The following TXNL4A variants were observed in gnomAD, a reference collection of about 807,000 sequenced individuals.
TXNL4A encodes thioredoxin-like protein 4A.
Under a neutral mutation model 14.6 loss-of-function variants are expected in TXNL4A, and 17 were observed. The observed-to-expected ratio is 1.16, with a 90% confidence interval of 0.80 to 1.74. The LOEUF (loss-of-function observed/expected upper bound fraction) is 1.74. Ranked by LOEUF, TXNL4A falls within the 40% of genes most tolerant of loss-of-function variation. The pLI is 0.00. For synonymous variants in TXNL4A, 83 were observed against 70.6 expected, an observed-to-expected ratio of 1.18 and a Z score of -0.88; for missense variants, 74 against 195.2, an observed-to-expected ratio of 0.38 and a Z score of 3.70.
At chr18:79,998,507 A>T (rs1049624939) in intron 1 of TXNL4A, among the ~76,000 whole-genome samples, 2 of 150,708 alleles carry the variant, frequency 1.3e-5, no homozygotes, top group African/African-American at 4.9e-5. Flanking sequence ...ACAAAACTGG[A>T]GGTACTGCAT....
At chr18:79,984,051 C>T (rs2051505859) in intron 1 of TXNL4A, among the ~76,000 whole-genome samples, 1 of 152,072 alleles carries the variant, frequency 6.6e-6, no homozygotes, top group African/African-American at 2.4e-5. Flanking sequence ...AACCACGGCT[C>T]AACATCACCC....
At chr18:80,016,428 G>A (rs11504774) in intron 1 of TXNL4A, among the ~76,000 whole-genome samples, 69,749 of 149,264 alleles carry the variant, frequency 0.47, 16,753 homozygotes, top group East Asian at 0.74. Flanking sequence ...TAGACATGAA[G>A]TCCTTGCCCA....
upstream of TXNL4A, among the ~76,000 whole-genome samples, chr18:79,989,670 C>T (rs2051611226): frequency 6.6e-6 from 1 of 152,214 alleles, no homozygotes; most frequent in African/African-American, 2.4e-5. Context: ...TACTATCTAG[C>T]TATCCTGGTG....
At chr18:80,005,220 C>G (rs12604993) in intron 1 of TXNL4A, among the ~76,000 whole-genome samples, 7 of 152,074 alleles carry the variant, frequency 4.6e-5, no homozygotes, top group Non-Finnish European at 5.9e-5. Flanking sequence ...ATTCTGGACT[C>G]GAAGGTTGTT....
At chr18:79,991,920 A>G (rs919892836), upstream of TXNL4A, among the ~76,000 whole-genome samples, 1 of 152,212 alleles carries the variant, frequency 6.6e-6, no homozygotes, top group African/African-American at 2.4e-5. Flanking sequence ...AGTTTTATAC[A>G]TTTTAGGGAG....
Position 79,988,392 on chromosome 18 carries a change from TGGCGGCCCGCGCGCTCGCCGCCGCCCAA to T in TXNL4A, c.-28_-1del. 2 of 1,468,952 alleles carry T rather than the reference TGGCGGCCCGCGCGCTCGCCGCCGCCCAA, an allele frequency of 1.4e-6. No homozygotes were observed. The highest frequency in any genetic ancestry group is 1.8e-6 in the Non-Finnish European group (2 of 1,093,252). The allele number at this position is 1,468,952 out of a possible 1,614,324, so 91.0% of individuals were successfully genotyped here. A position where few individuals can be genotyped will look rare whatever the true frequency, so the allele number is the denominator to read the frequency against. ...TGCAGGTGCGGGAGCATGTACGACA[TGGCGGCCCGCGCGCTCGCCGCCGCCCAA>T]GGCGGGGCGCCAGGGAGGGCCCAGC... On this transcript the variant is annotated 5_prime_UTR_variant, in exon 1 of 3. Transcript: ENST00000269601.
At position 79,971,362 on chromosome 18, in the gene TXNL4A, C is replaced by A; in HGVS notation, c.*2323G>T. 1 of 152,466 alleles carries A rather than the reference C, an allele frequency of 6.6e-6. No homozygotes were observed. Among genetic ancestry groups the A allele is most frequent in the South Asian group, 2.1e-4 (1 of 4,842 alleles). 9.4% of individuals were successfully genotyped at this position (152,466 alleles called of 1,614,324 possible). ...TATTTTTTTGAGACAGGGTCTTGCT[C>A]AGTTGCCCAGGCTGGAGTGCAGTGG... On this transcript the variant is annotated 3_prime_UTR_variant, in exon 3 of 3. Transcript: ENST00000269601.
At position 79,971,512 on chromosome 18, in the gene TXNL4A, T is replaced by C. The variant is rs1307651438; in HGVS notation, c.*2173A>G. The C allele has an allele frequency of 6.6e-6, 1 of 152,198 alleles. No homozygotes were observed. The highest frequency in any genetic ancestry group is 2.4e-5 in the African/African-American group (1 of 41,416). The allele number at this position is 152,198 out of a possible 1,614,324, so 9.4% of individuals were successfully genotyped here. ...CCAGCTAATTGTTCTGTATTTTTTG[T>C]AGAGACAGGGTCTCACCAGGTTGCC... On this transcript the variant is annotated 3_prime_UTR_variant, in exon 3 of 3. Transcript: ENST00000269601.
chr18:80,013,121 A>T (rs11661508), intron 1 of TXNL4A, among the ~76,000 whole-genome samples: 1 of 137,944 alleles, frequency 7.2e-6, no homozygotes. Context: ...GAAAAAAAAA[A>T]ATTTTTTTTT....
Position 79,973,765 on chromosome 18 carries a change from C to T in TXNL4A, c.349G>A (p.Glu117Lys), listed in dbSNP as rs727502793. 9.3e-6 allele frequency: 15 copies of T among 1,614,056 alleles called. No individual in the cohort carries two copies. Among genetic ancestry groups the T allele is most frequent in the South Asian group, 2.2e-5 (2 of 91,088 alleles). Residue 117 changes from glutamate (E) to lysine (K), a missense_variant, in exon 3 of 3, where the codon GAG (glutamate) becomes AAG (lysine). Around this residue, in one of 3 missense-constraint regions of TXNL4A, gnomAD observed 19 missense variants for 60.6 expected, o/e 0.31. Coordinates refer to ENST00000269601, the MANE Select transcript of TXNL4A (RefSeq NM_006701.5). Reference sequence around the variant, plus strand: ...TTGCGGGCCCCGCGGTACACCGTCTCGATGATGTCCACCATCTCCTGCTTG... The same window carrying T: ...TTGCGGGCCCCGCGGTACACCGTCTTGATGATGTCCACCATCTCCTGCTTG... ...EDKQEMVDIIETVYRGARKGR... is the reference protein window; with the variant it reads ...EDKQEMVDIIKTVYRGARKGR...
At chr18:80,009,199 T>A (rs1176653716) in intron 1 of TXNL4A, among the ~76,000 whole-genome samples, 2 of 152,254 alleles carry the variant, frequency 1.3e-5, no homozygotes, top group African/African-American at 4.8e-5. Context: ...TTTTGTAAAT[T>A]AAGCCATCAT....
intron 1 of TXNL4A, chr18:80,030,662 T>G (rs981328100): frequency 1.5e-4 from 23 of 152,338 alleles, no homozygotes; most frequent in African/African-American, 5.3e-4. Context: ...ATATATATAG[T>G]TGGCCCATTA....
At chr18:79,983,226 CTT>C (rs2051491101) in intron 1 of TXNL4A, among the ~76,000 whole-genome samples, 2 of 152,164 alleles carry the variant, frequency 1.3e-5, no homozygotes, top group Non-Finnish European at 2.9e-5. Context: ...GTCTCGAACT[CTT>C]GACCTCAGAT....
chr18:79,974,570 C>T (rs1443427177), intron 2 of TXNL4A, among the ~76,000 whole-genome samples: 1 of 152,150 alleles, frequency 6.6e-6, no homozygotes, highest in African/African-American at 2.4e-5. Context: ...AAATCAACCT[C>T]CTGGCCCAAA....
intron 1 of TXNL4A, among the ~76,000 whole-genome samples, chr18:79,994,280 G>A (rs1193989055): frequency 4.0e-5 from 6 of 151,670 alleles, no homozygotes; most frequent in African/African-American, 1.5e-4. Context: ...GGAAAACGCG[G>A]GCACAAAAAC....
At chr18:80,021,217 C>T (rs977131474) in intron 1 of TXNL4A, among the ~76,000 whole-genome samples, 6 of 151,634 alleles carry the variant, frequency 4.0e-5, no homozygotes, top group Non-Finnish European at 7.4e-5. Flanking sequence ...TGCTCTGTTG[C>T]CCAGGCTGGA....
intron 1 of TXNL4A, among the ~76,000 whole-genome samples, chr18:80,032,825 G>A (rs2051931618): frequency 1.3e-5 from 2 of 152,216 alleles, no homozygotes; most frequent in South Asian, 4.1e-4. Context: ...GGGCGGCAGA[G>A]AGAGATTCCA....
chr18:79,975,050 C>T (rs1385331773), intron 2 of TXNL4A, among the ~76,000 whole-genome samples: 1 of 152,202 alleles, frequency 6.6e-6, no homozygotes, highest in Non-Finnish European at 1.5e-5. Context: ...ATGCTGCAGG[C>T]AGGCCCTACA....
In TXNL4A at chr18:79,993,936, G is replaced by A. The variant is rs374159249; in HGVS notation, c.-60-16235C>T. On this transcript the variant is annotated intron_variant, in intron 1 of 2. Coordinates refer to the TXNL4A transcript ENST00000585474. The surrounding 1 kb of genome is among the most constrained non-coding windows in gnomAD (Gnocchi z 4.4). Reference sequence around the variant, plus strand: ...ACTTTACCAGGTAGCCGCGACAAGCGTGGACTGAACTGGTTCAAGGAATAA... The same window carrying A: ...ACTTTACCAGGTAGCCGCGACAAGCATGGACTGAACTGGTTCAAGGAATAA... Among the ~76,000 whole-genome samples, 5 of 152,284 alleles carry A rather than the reference G, an allele frequency of 3.3e-5. No individual in the cohort carries two copies. The highest frequency in any genetic ancestry group is 2.1e-4 in the South Asian group (1 of 4,826).
Sources: gnomAD v4.1 joint callset for allele counts (sites outside exome capture counted in the v4.1 genomes callset) on GRCh38, gnomAD v4.1.1 for gene constraint, gnomAD v4.1.1 regional missense constraint, Gnocchi (gnomAD v3.1) non-coding constraint, MANE v1.5 for transcripts, NCBI Gene and HGNC (gene_info 2026-07-23, HGNC 2026-07-21) for gene names.